Variants in TMEM132C observed in about 807,000 individuals in gnomAD.
TMEM132C encodes the protein transmembrane protein 132C, also known as protein phosphatase 1, regulatory subunit 152.
Under a neutral mutation model 61.4 loss-of-function variants are expected in TMEM132C, and 29 were observed. That is an observed-to-expected ratio of 0.47 (90% confidence interval 0.35 to 0.64). The LOEUF (loss-of-function observed/expected upper bound fraction) is 0.64. Among genes scored for constraint, TMEM132C ranks in the 30% least tolerant of loss-of-function variants. The pLI is 0.00. For synonymous variants in TMEM132C, 656 were observed against 633.1 expected (o/e 1.04, Z -0.54); for missense variants, 1,408 against 1,476.9 (o/e 0.95, Z 0.76).
intron 3 of TMEM132C, among the ~76,000 whole-genome samples, chr12:128,592,593 A>G (rs1463664309): frequency 6.6e-6 from 1 of 152,218 alleles, no homozygotes; most frequent in African/African-American, 2.4e-5. Context: ...AGGCTGTGAC[A>G]ATGGAATTGG....
chr12:128,428,681 T>A (rs1197819552), intron 2 of TMEM132C, among the ~76,000 whole-genome samples: 1 of 152,180 alleles, frequency 6.6e-6, no homozygotes, highest in Non-Finnish European at 1.5e-5. Context: ...TCATGTCACG[T>A]GCAGGAAGTA....
chr12:128,551,876 C>A (rs1340093558), intron 3 of TMEM132C, among the ~76,000 whole-genome samples: 1 of 152,100 alleles, frequency 6.6e-6, no homozygotes, highest in African/African-American at 2.4e-5. Context: ...AAGAGCGGAC[C>A]CTGGCTGCTT....
rs371592183 is a variant in TMEM132C at position 128,556,477 on chromosome 12, C to T, written c.1121+12374C>T. Among the ~76,000 whole-genome samples, 3 of 152,156 alleles carry T rather than the reference C, an allele frequency of 2.0e-5. No individual in the cohort carries two copies. The South Asian group carries it at 6.2e-4, about 32-fold the overall frequency. On this transcript the variant is annotated intron_variant, in intron 3 of 8. Transcript: ENST00000435159. Reference sequence around the variant, plus strand: ...TGATCCATTTTCAAATTATGACACTCTGTGTTATAGGTTGTACTTTTTTCA... The same window carrying T: ...TGATCCATTTTCAAATTATGACACTTTGTGTTATAGGTTGTACTTTTTTCA...
At chr12:128,514,837 C>T (rs1473327621) in intron 2 of TMEM132C, among the ~76,000 whole-genome samples, 1 of 152,192 alleles carries the variant, frequency 6.6e-6, no homozygotes, top group East Asian at 1.9e-4. Context: ...ACACAGCAGA[C>T]AACATTCCCA....
In TMEM132C at chr12:128,532,034, T is replaced by A. The variant is rs4882782; in HGVS notation, c.975-11923T>A. On this transcript the variant is annotated intron_variant, in intron 2 of 8. Transcript: ENST00000435159. ...AGCCCTGCTAATTACTCTTCCCTCCTATGTGTTGAAAGATTTCAGATACAA... is the reference window on the plus strand; with the variant it reads ...AGCCCTGCTAATTACTCTTCCCTCCAATGTGTTGAAAGATTTCAGATACAA... Among the ~76,000 whole-genome samples the A allele has an allele frequency of 2.2e-4, 34 of 152,170 alleles. 1 individual carries two copies. The highest frequency in any genetic ancestry group is 8.2e-4 in the African/African-American group (34 of 41,528).
chr12:128,597,317 TA>T (rs1167100916), intron 3 of TMEM132C, among the ~76,000 whole-genome samples: 42 of 146,598 alleles, frequency 2.9e-4, no homozygotes, highest in South Asian at 4.3e-4. Flanking sequence ...CCATCTCTAC[TA>T]AAAAAAAAAA....
intron 2 of TMEM132C, among the ~76,000 whole-genome samples, chr12:128,510,436 A>G (rs1872530258): frequency 6.6e-6 from 1 of 152,028 alleles, no homozygotes; most frequent in Non-Finnish European, 1.5e-5. Flanking sequence ...AAAATAAACA[A>G]CAAGGTTTGC....
At chr12:128,324,383 TTC>T (rs1355298723) in intron 1 of TMEM132C, among the ~76,000 whole-genome samples, 5 of 152,218 alleles carry the variant, frequency 3.3e-5, no homozygotes, top group Admixed American at 3.3e-4. Flanking sequence ...TTTTTGTACT[TTC>T]TGCCAATTTT....
rs894158402 is a variant in TMEM132C, at chr12:128,408,130, C to G, written c.86-6602C>G. Among the ~76,000 whole-genome samples the G allele has an allele frequency of 7.2e-5, 11 of 152,266 alleles. 1 individual carries two copies. In the South Asian group the frequency reaches 2.3e-3, roughly 32 times the overall value. On this transcript the variant is annotated intron_variant, in intron 1 of 8. Coordinates refer to ENST00000435159, the MANE Select transcript of TMEM132C (RefSeq NM_001136103.3). ...TGAGCTAGGCTTCACTTCACTTCAT[C>G]CCTTCTCACTTTTCCTCATGTGAAG...
chr12:128,319,992 T>C (rs1295582053), intron 1 of TMEM132C, among the ~76,000 whole-genome samples: 1 of 152,040 alleles, frequency 6.6e-6, no homozygotes, highest in Non-Finnish European at 1.5e-5. Context: ...AAATTGTCAA[T>C]GTAAAGATTA....
chr12:128,517,548 CAGAT>C (rs374901327), intron 2 of TMEM132C, among the ~76,000 whole-genome samples: 71 of 152,024 alleles, frequency 4.7e-4, no homozygotes, highest in African/African-American at 1.5e-3. Flanking sequence ...CATGGATGGA[CAGAT>C]GGATGGAGAA....
rs117805480 is a variant in TMEM132C, at chr12:128,527,188, G to T, written c.975-16769G>T. On this transcript the variant is annotated intron_variant, in intron 2 of 8. Coordinates refer to ENST00000435159, the MANE Select transcript of TMEM132C (RefSeq NM_001136103.3). Reference sequence around the variant, plus strand: ...GAAAGCAACCATGGATGGTCGCTGTGTCCAGAATTGCACCCCAACATGACA... The same window carrying T: ...GAAAGCAACCATGGATGGTCGCTGTTTCCAGAATTGCACCCCAACATGACA... 9.6e-3 allele frequency among the ~76,000 whole-genome samples: 1,466 copies of T among 152,290 alleles called. 7 individuals are homozygous for T. The highest frequency in any genetic ancestry group is 0.016 in the Non-Finnish European group (1,113 of 68,022).
At chr12:128,591,267 C>T (rs1223105150) in intron 3 of TMEM132C, among the ~76,000 whole-genome samples, 2 of 152,070 alleles carry the variant, frequency 1.3e-5, no homozygotes, top group African/African-American at 4.8e-5. Flanking sequence ...TGCAGTCACA[C>T]CCCTCCCCGC....
At chr12:128,353,208 G>A (rs1873395598) in intron 1 of TMEM132C, among the ~76,000 whole-genome samples, 1 of 152,170 alleles carries the variant, frequency 6.6e-6, no homozygotes, top group Non-Finnish European at 1.5e-5. Context: ...TATCAACAGT[G>A]AATAAAATCT....
chr12:128,642,601 C>G (rs1025493763), intron 4 of TMEM132C, among the ~76,000 whole-genome samples: 1 of 152,198 alleles, frequency 6.6e-6, no homozygotes, highest in Middle Eastern at 3.2e-3. Context: ...TGCTCCCTCT[C>G]TCGCCATGTG....
intron 2 of TMEM132C, among the ~76,000 whole-genome samples, chr12:128,481,772 A>G (rs59668118): frequency 0.15 from 23,390 of 151,978 alleles, 2,735 homozygotes; most frequent in African/African-American, 0.32. Flanking sequence ...AGGAAGGGGA[A>G]GGGGGCTTGG....
At chr12:128,413,626 G>A (rs1335989823) in intron 1 of TMEM132C, among the ~76,000 whole-genome samples, 1 of 151,298 alleles carries the variant, frequency 6.6e-6, no homozygotes, top group African/African-American at 2.4e-5. Flanking sequence ...CTCAATAGTT[G>A]TAAATATATA....
chr12:128,393,845 G>A (rs73159827), intron 1 of TMEM132C, among the ~76,000 whole-genome samples: 53 of 152,322 alleles, frequency 3.5e-4, no homozygotes, highest in Non-Finnish European at 5.7e-4. Context: ...TGACTCAGCC[G>A]TGCTCCTTTT....
At chr12:128,311,620 A>G (rs1275724303) in intron 1 of TMEM132C, among the ~76,000 whole-genome samples, 1 of 152,240 alleles carries the variant, frequency 6.6e-6, no homozygotes, top group Non-Finnish European at 1.5e-5. Flanking sequence ...TACTTTCAGA[A>G]CAGTTCTTTG....
Sources: gnomAD v4.1 joint callset for allele counts (sites outside exome capture counted in the v4.1 genomes callset) on GRCh38, gnomAD v4.1.1 for gene constraint, MANE v1.5 for transcripts, NCBI Gene and HGNC (gene_info 2026-07-23, HGNC 2026-07-21) for gene names.